Variants in AOAH observed in about 807,000 individuals in gnomAD.
The protein encoded by AOAH is acyloxyacyl hydrolase.
In AOAH, 64 loss-of-function variants were observed where a neutral mutation model predicts 92.2. That is an observed-to-expected ratio of 0.69 (90% CI 0.57 to 0.86). The LOEUF is 0.86. Ranked by LOEUF, AOAH falls within the 40% of genes least tolerant of loss-of-function variation. AOAH has a pLI of 0.00. For synonymous variants in AOAH, 263 were observed against 254.5 expected, an observed-to-expected ratio of 1.03 and a Z score of -0.32; for missense variants, 656 against 694.6, an observed-to-expected ratio of 0.94 and a Z score of 0.62.
At chr7:36,709,673 G>A (rs1380768089) in intron 1 of AOAH, among the ~76,000 whole-genome samples, 1 of 135,674 alleles carries the variant, frequency 7.4e-6, no homozygotes, top group African/African-American at 2.7e-5. Flanking sequence ...AATTGCAAGG[G>A]TCATTTTAAA....
At chr7:36,699,017 A>ATTT (rs70977180) in intron 1 of AOAH, among the ~76,000 whole-genome samples, 37 of 150,612 alleles carry the variant, frequency 2.5e-4, no homozygotes, top group Admixed American at 5.9e-4. Flanking sequence ...TATGAGATCC[A>ATTT]TTTTTTTTTA....
In AOAH at chr7:36,616,403, T is replaced by G. The variant is rs1583952734; in HGVS notation, c.823A>C (p.Ile275Leu). The change falls in exon 11 of 21, where the codon ATC becomes CTC. Residue 275 changes from isoleucine to leucine, a missense_variant. Physicochemically the swap from Ile to Leu is conservative, Grantham distance 5 (BLOSUM62 2). Transcript: ENST00000617537. ...GAHFHISPEW[I>L]TASQMSLNSF... is the part of the protein sequence containing the mutation. ...ACCAAAGACATCTGCGACGCTGTGA[T>G]CCATTCAGGAGAGATGTGAAAATGA... is the stretch of plus-strand genomic sequence containing the variant. 1.2e-6 allele frequency: 2 copies of G among 1,614,032 alleles called. No individual in the cohort carries two copies. Among genetic ancestry groups the G allele is most frequent in the East Asian group, 2.2e-5 (1 of 44,882 alleles).
chr7:36,611,758 C>T (rs1408782662), intron 11 of AOAH, among the ~76,000 whole-genome samples: 1 of 152,158 alleles, frequency 6.6e-6, no homozygotes, highest in African/African-American at 2.4e-5. Context: ...CTGCCAGAGC[C>T]GTGTGTCAGT....
intron 1 of AOAH, among the ~76,000 whole-genome samples, chr7:36,713,033 TG>T (rs55793739): frequency 0.23 from 34,303 of 151,968 alleles, 3,928 homozygotes; most frequent in East Asian, 0.28. Flanking sequence ...AGACACAGAC[TG>T]GCAAATTGGA....
rs1047085652 is a variant in AOAH at position 36,682,639 on chromosome 7, T to G, written c.223+4060A>C. ...CATGAAAAAATAGCAAGAATAAGAA[T>G]TAGAAAAACTCAGATATGGAATAAA... On this transcript the variant is annotated intron_variant, in intron 2 of 20. Transcript: ENST00000617537. Among the ~76,000 whole-genome samples the G allele has an allele frequency of 3.3e-5, 5 of 151,234 alleles. No individual in the cohort carries two copies. The South Asian group carries it at 1.0e-3, about 32-fold the overall frequency.
intron 1 of AOAH, among the ~76,000 whole-genome samples, chr7:36,703,947 T>G (rs1279687656): frequency 6.6e-6 from 1 of 152,188 alleles, no homozygotes; most frequent in African/African-American, 2.4e-5. Flanking sequence ...GCGTTCCTAT[T>G]TCTCCACATC....
chr7:36,676,167 A>G (rs997387107), intron 2 of AOAH, among the ~76,000 whole-genome samples: 1 of 152,222 alleles, frequency 6.6e-6, no homozygotes, highest in Non-Finnish European at 1.5e-5. Context: ...GAAAGTAAAG[A>G]TGTAAGACTA....
chr7:36,623,951 A>G (rs1792460372), intron 6 of AOAH, among the ~76,000 whole-genome samples: 1 of 152,246 alleles, frequency 6.6e-6, no homozygotes, highest in Non-Finnish European at 1.5e-5. Flanking sequence ...GGCAGGAAAC[A>G]TAAGGCCGAT....
chr7:36,539,383 T>C (rs946519504), intron 16 of AOAH, among the ~76,000 whole-genome samples: 83 of 152,194 alleles, frequency 5.5e-4, no homozygotes, highest in African/African-American at 2.0e-3. Flanking sequence ...CCTCTTCTTA[T>C]AGATGCTCAT....
chr7:36,589,547 A>T (rs1182347466), intron 12 of AOAH, among the ~76,000 whole-genome samples: 3 of 152,198 alleles, frequency 2.0e-5, no homozygotes, highest in Non-Finnish European at 2.9e-5. Context: ...TTCTAAACCA[A>T]GTAGCGTCAT....
intron 2 of AOAH, among the ~76,000 whole-genome samples, chr7:36,683,825 G>A (rs531062251): frequency 5.9e-5 from 9 of 152,184 alleles, no homozygotes; most frequent in African/African-American, 2.2e-4. Flanking sequence ...AAAAGGCCTA[G>A]AAAGAATGGG....
At chr7:36,624,634 G>A (rs983213858) in intron 6 of AOAH, among the ~76,000 whole-genome samples, 1 of 152,248 alleles carries the variant, frequency 6.6e-6, no homozygotes, top group Admixed American at 6.5e-5. Context: ...GAGAGCAGGA[G>A]GAGGAGCGGA....
chr7:36,621,617 G>A, intron 8 of AOAH, 93 bp downstream of exon 8: 2 of 1,159,164 alleles, frequency 1.7e-6, no homozygotes, highest in Non-Finnish European at 2.6e-6. Flanking sequence ...CTCTCTGTAA[G>A]TGGGAATCCC....
At chr7:36,558,840 T>TG in intron 13 of AOAH, among the ~76,000 whole-genome samples, 1 of 152,236 alleles carries the variant, frequency 6.6e-6, no homozygotes, top group East Asian at 1.9e-4. Context: ...AGCACAGTAT[T>TG]GGGGTGGGAG....
chr7:36,631,725 T>C (rs573521639), intron 6 of AOAH, among the ~76,000 whole-genome samples: 1 of 152,306 alleles, frequency 6.6e-6, no homozygotes, highest in East Asian at 1.9e-4. Context: ...AGGGGCTGTT[T>C]CCAGGTGTAG....
chr7:36,587,792 ATGTT>A (rs531932444), intron 12 of AOAH, among the ~76,000 whole-genome samples: 321 of 152,352 alleles, frequency 2.1e-3, no homozygotes, highest in African/African-American at 7.3e-3. Flanking sequence ...CTGTCAAACA[ATGTT>A]TGAAACAAAA....
intron 1 of AOAH, among the ~76,000 whole-genome samples, chr7:36,692,059 G>GCCCA (rs1045248070): frequency 5.3e-5 from 8 of 152,284 alleles, no homozygotes; most frequent in African/African-American, 1.9e-4. Flanking sequence ...ATCCAACTGT[G>GCCCA]CCCAGCTCAC....
chr7:36,688,993 A>G (rs1363761253), intron 1 of AOAH, among the ~76,000 whole-genome samples: 1 of 152,144 alleles, frequency 6.6e-6, no homozygotes, highest in African/African-American at 2.4e-5. Flanking sequence ...AGGTCTTGCT[A>G]TGTTGGCCAG....
At position 36,675,625 on chromosome 7, in the gene AOAH, G is replaced by C. The variant is rs147874275; in HGVS notation, c.224-1616C>G. ...AGAATTCTTCCAAAAAATGGAAGCA[G>C]AGTGACCATTTCTTAACTTATTTAT... On this transcript the variant is annotated intron_variant, in intron 2 of 20. Coordinates refer to ENST00000617537, the MANE Select transcript of AOAH (RefSeq NM_001637.4). Among the ~76,000 whole-genome samples, 312 of 152,270 alleles carry C rather than the reference G, an allele frequency of 2.0e-3. 1 individual carries two copies. The highest frequency in any genetic ancestry group is 7.3e-3 in the African/African-American group (304 of 41,548).
Sources: allele counts gnomAD v4.1 joint callset (sites outside exome capture counted in the v4.1 genomes callset), GRCh38; gene constraint gnomAD v4.1.1; transcripts MANE v1.5; gene names NCBI Gene and HGNC (gene_info 2026-07-23, HGNC 2026-07-21).